Variants in PLCL1 observed in about 807,000 individuals in gnomAD.
PLCL1 encodes the protein phospholipase C like 1 (inactive).
Under a neutral mutation model 84.4 loss-of-function variants are expected in PLCL1, and 41 were observed. The ratio of observed to expected loss-of-function variants is 0.49; its 90% CI spans 0.38 to 0.63. PLCL1 has a LOEUF of 0.63. Among genes scored for constraint, PLCL1 ranks in the 30% least tolerant of loss-of-function variants. The pLI, the probability that PLCL1 is intolerant of heterozygous loss-of-function variation, is 0.00. For missense variants in PLCL1, 1,206 were observed against 1,367.8 expected (o/e 0.88, Z 1.87); for synonymous variants, 490 against 488.3 (o/e 1.00, Z -0.05).
chr2:198,022,155 G>A (rs1159189019), intron 1 of PLCL1, among the ~76,000 whole-genome samples: 1 of 152,182 alleles, frequency 6.6e-6, no homozygotes, highest in Admixed American at 6.5e-5. Context: ...CTCAATAGAT[G>A]CAGAAACGCC....
intron 1 of PLCL1, among the ~76,000 whole-genome samples, chr2:198,031,615 C>G (rs1691425838): frequency 6.6e-6 from 1 of 150,918 alleles, no homozygotes; most frequent in Admixed American, 6.6e-5. Flanking sequence ...CTTAGCTTCC[C>G]CAGTGCTGAG....
At chr2:198,041,398 G>GT (rs5837578) in intron 1 of PLCL1, among the ~76,000 whole-genome samples, 110,166 of 151,856 alleles carry the variant, frequency 0.73, 40,806 homozygotes, top group Middle Eastern at 0.87. Flanking sequence ...CAACCACAGT[G>GT]TTTTTTTTGT....
At chr2:198,074,659 CAAAAA>C (rs1195413851) in intron 1 of PLCL1, among the ~76,000 whole-genome samples, 1 of 151,984 alleles carries the variant, frequency 6.6e-6, no homozygotes, top group Non-Finnish European at 1.5e-5. Flanking sequence ...AACAAACAAA[CAAAAA>C]AACCCCTGAA....
At chr2:197,935,639 A>G (rs895297775) in intron 1 of PLCL1, among the ~76,000 whole-genome samples, 2 of 152,184 alleles carry the variant, frequency 1.3e-5, no homozygotes, top group Non-Finnish European at 2.9e-5. Context: ...AAGGGAGAGG[A>G]TCGAAAAACT....
intron 5 of PLCL1, among the ~76,000 whole-genome samples, chr2:198,105,743 A>AAG (rs1693459573): frequency 6.6e-6 from 1 of 151,728 alleles, no homozygotes; most frequent in African/African-American, 2.4e-5. Flanking sequence ...AATGATTTTG[A>AAG]AGAGACAAAG....
intron 1 of PLCL1, among the ~76,000 whole-genome samples, chr2:198,051,330 G>T (rs1403665461): frequency 6.6e-6 from 1 of 152,120 alleles, no homozygotes; most frequent in Non-Finnish European, 1.5e-5. Flanking sequence ...AGCAAAAATA[G>T]TTCCTATATA....
At chr2:198,001,558 A>G (rs939370220) in intron 1 of PLCL1, among the ~76,000 whole-genome samples, 21 of 152,354 alleles carry the variant, frequency 1.4e-4, no homozygotes, top group Middle Eastern at 3.4e-3. Context: ...ATGGAATTAT[A>G]CAGAATGTTC....
chr2:197,885,265 G>A (rs1278925016), intron 1 of PLCL1, among the ~76,000 whole-genome samples: 5 of 152,170 alleles, frequency 3.3e-5, no homozygotes, highest in African/African-American at 4.8e-5. Flanking sequence ...ACCACAATGT[G>A]CCATCTACAA....
Position 197,922,655 on chromosome 2 carries a change from C to A in PLCL1, c.240+117316C>A, listed in dbSNP as rs558684293. ...CCGGGCAGGGGGCTGACCCCCCCACCCCCCCACCTCCCTCCCGGACGGGGC... is the reference window on the plus strand; with the variant it reads ...CCGGGCAGGGGGCTGACCCCCCCACACCCCCACCTCCCTCCCGGACGGGGC... On this transcript the variant is annotated intron_variant, in intron 1 of 5. Coordinates refer to ENST00000428675, the MANE Select transcript of PLCL1 (RefSeq NM_006226.4). Among the ~76,000 whole-genome samples the A allele has an allele frequency of 1.8e-3, 244 of 138,708 alleles. 2 individuals are homozygous for A. The highest frequency in any genetic ancestry group is 4.0e-3 in the Middle Eastern group (1 of 252). 91.0% of individuals were successfully genotyped at this position (138,708 alleles called of 152,430 possible). A position where few individuals can be genotyped will look rare whatever the true frequency, so the allele number is the denominator to read the frequency against.
At chr2:197,951,126 C>A (rs928822356) in intron 1 of PLCL1, among the ~76,000 whole-genome samples, 1 of 152,056 alleles carries the variant, frequency 6.6e-6, no homozygotes, top group African/African-American at 2.4e-5. Flanking sequence ...GGCTATAGAA[C>A]TTATGGTCCA....
chr2:197,819,107 G>A (rs1690752840), intron 1 of PLCL1, among the ~76,000 whole-genome samples: 1 of 152,090 alleles, frequency 6.6e-6, no homozygotes, highest in Non-Finnish European at 1.5e-5. Flanking sequence ...GTGTTAATTT[G>A]AGGAGTAGAG....
chr2:197,965,783 C>T (rs1689719139), intron 1 of PLCL1, among the ~76,000 whole-genome samples: 1 of 152,082 alleles, frequency 6.6e-6, no homozygotes, highest in Non-Finnish European at 1.5e-5. Context: ...CAGTTTCCTT[C>T]TTAATTTCTT....
intron 1 of PLCL1, among the ~76,000 whole-genome samples, chr2:198,006,348 C>T (rs1172927875): frequency 2.6e-5 from 4 of 151,902 alleles, no homozygotes. Flanking sequence ...ATTTTTGGTA[C>T]AATAGGGTAG....
At chr2:197,895,941 G>C (rs1688125583) in intron 1 of PLCL1, among the ~76,000 whole-genome samples, 1 of 151,836 alleles carries the variant, frequency 6.6e-6, no homozygotes, top group South Asian at 2.1e-4. Context: ...TAATGATGTG[G>C]GGTTTTTTTT....
At chr2:197,814,707 A>C (rs530329802) in intron 1 of PLCL1, among the ~76,000 whole-genome samples, 3 of 152,266 alleles carry the variant, frequency 2.0e-5, no homozygotes, top group African/African-American at 7.2e-5. Flanking sequence ...ATGTAAGGAA[A>C]AGTGCTTGAA....
chr2:198,117,964 T>C (rs1004118112), intron 5 of PLCL1, among the ~76,000 whole-genome samples: 4 of 151,900 alleles, frequency 2.6e-5, no homozygotes, highest in African/African-American at 7.2e-5. Context: ...TATGTATGCA[T>C]AGTGTGTGCT....
chr2:197,956,995 C>T (rs1689508933), intron 1 of PLCL1, among the ~76,000 whole-genome samples: 1 of 152,010 alleles, frequency 6.6e-6, no homozygotes, highest in Non-Finnish European at 1.5e-5. Flanking sequence ...AGTCTTTACC[C>T]ATGTCAACTA....
At chr2:197,831,540 C>T (rs570465025) in intron 1 of PLCL1, among the ~76,000 whole-genome samples, 1 of 152,092 alleles carries the variant, frequency 6.6e-6, no homozygotes. Context: ...GAGACCTACA[C>T]AGAGACTTAG....
intron 1 of PLCL1, among the ~76,000 whole-genome samples, chr2:197,927,069 G>C (rs987094857): frequency 6.6e-6 from 1 of 152,188 alleles, no homozygotes; most frequent in African/African-American, 2.4e-5. Context: ...AGAAGTCTTC[G>C]TGGACACTGA....
Sources: allele counts gnomAD v4.1 joint callset (sites outside exome capture counted in the v4.1 genomes callset), GRCh38; gene constraint gnomAD v4.1.1; transcripts MANE v1.5; gene names NCBI Gene and HGNC (gene_info 2026-07-23, HGNC 2026-07-21).